CFAP58: variants seen among roughly 807,000 people sequenced by gnomAD.
CFAP58 encodes the protein cilia- and flagella-associated protein 58.
In CFAP58, 88 loss-of-function variants were observed where a neutral mutation model predicts 119.5. The observed-to-expected ratio is 0.74, with a 90% CI of 0.62 to 0.88. The LOEUF is 0.88. Ranked by LOEUF, CFAP58 falls within the 40% of genes least tolerant of loss-of-function variation. The pLI is 0.00. For synonymous variants in CFAP58, 365 were observed against 366.3 expected (o/e 1.00, Z 0.04); for missense variants, 990 against 1,021.2 (o/e 0.97, Z 0.42).
intron 15 of CFAP58, among the ~76,000 whole-genome samples, chr10:104,409,801 TA>T (rs1431190661): frequency 6.6e-6 from 1 of 152,206 alleles, no homozygotes; most frequent in Non-Finnish European, 1.5e-5. Flanking sequence ...CCTATATTTT[TA>T]CTTTTAAACT....
Position 104,454,552 on chromosome 10 carries a change from C to A in CFAP58, c.*22C>A. The stretch of plus-strand genomic sequence containing the variant: ...CTAACCTGAAGCTGCTGGCTGTTTC[C>A]AGTTGAACAACTCATGAAATCTGCT... On this transcript the variant is annotated 3_prime_UTR_variant, in exon 18 of 18. Transcript: ENST00000369704. 2 of 1,558,962 alleles carry A rather than the reference C, an allele frequency of 1.3e-6. No individual in the cohort carries two copies. The highest frequency in any genetic ancestry group is 2.2e-5 in the South Asian group (2 of 90,002).
intron 15 of CFAP58, among the ~76,000 whole-genome samples, chr10:104,439,950 G>A (rs188241507): frequency 0.014 from 2,194 of 152,290 alleles, 32 homozygotes; most frequent in South Asian, 0.053. Flanking sequence ...CTCCTGAGTA[G>A]CTGGGACTAC....
In CFAP58 at chr10:104,430,594, C is replaced by T. The variant is rs1309876166; in HGVS notation, c.2257-17104C>T. Among the ~76,000 whole-genome samples, 5 of 152,072 alleles carry T rather than the reference C, an allele frequency of 3.3e-5. No individual in the cohort carries two copies. The East Asian group carries it at 9.6e-4, about 29-fold the overall frequency. Reference sequence around the variant, plus strand: ...GTTGTTGGCTGTGCAGCGTAATGACCTCATACTTTTTCATCTAGTTTCATG... The same window carrying T: ...GTTGTTGGCTGTGCAGCGTAATGACTTCATACTTTTTCATCTAGTTTCATG... On this transcript the variant is annotated intron_variant, in intron 15 of 17. Coordinates refer to ENST00000369704, the MANE Select transcript of CFAP58 (RefSeq NM_001008723.2).
chr10:104,357,911 ACACATATATG>A (rs2014588905), intron 1 of CFAP58, among the ~76,000 whole-genome samples: 1 of 113,878 alleles, frequency 8.8e-6, no homozygotes, highest in African/African-American at 4.6e-5. Flanking sequence ...ACACATATAC[ACACATATATG>A]TACACATATA....
In CFAP58 at chr10:104,357,865, A is replaced by G. The variant is rs571737958; in HGVS notation, c.10-476A>G. 1.3e-3 allele frequency among the ~76,000 whole-genome samples: 142 copies of G among 106,220 alleles called. 6 individuals carry two copies. The highest frequency in any genetic ancestry group is 6.0e-3 in the East Asian group (21 of 3,482). The allele number at this position is 106,220 out of a possible 152,430, so 69.7% of individuals were successfully genotyped here. A position where few individuals can be genotyped will look rare whatever the true frequency, so the allele number is the denominator to read the frequency against. ...CATATGTACACATATATACACATATATACACATATATGTACACATATATAA... is the reference window on the plus strand; with the variant it reads ...CATATGTACACATATATACACATATGTACACATATATGTACACATATATAA... On this transcript the variant is annotated intron_variant, in intron 1 of 17. Transcript: ENST00000369704.
chr10:104,411,433 T>A (rs941680137), intron 15 of CFAP58, among the ~76,000 whole-genome samples: 53 of 152,332 alleles, frequency 3.5e-4, no homozygotes, highest in African/African-American at 1.2e-3. Flanking sequence ...CTGAGTGTTC[T>A]ATTATTGAAG....
chr10:104,361,494 C>T (rs915672233), intron 2 of CFAP58, among the ~76,000 whole-genome samples: 1 of 152,170 alleles, frequency 6.6e-6, no homozygotes, highest in African/African-American at 2.4e-5. Context: ...AGGTTTAATT[C>T]AGTCTATCAA....
chr10:104,396,415 A>G (rs2012159829), intron 11 of CFAP58, among the ~76,000 whole-genome samples: 1 of 132,604 alleles, frequency 7.5e-6, no homozygotes, highest in East Asian at 2.0e-4. Context: ...AGAGAGAGAG[A>G]GAGAGAGAGA....
chr10:104,418,057 G>A (rs1175283460), intron 15 of CFAP58, among the ~76,000 whole-genome samples: 3 of 152,330 alleles, frequency 2.0e-5, no homozygotes, highest in Middle Eastern at 6.8e-3. Flanking sequence ...AAATTGTGAT[G>A]AAGTTTGAAT....
intron 8 of CFAP58, among the ~76,000 whole-genome samples, chr10:104,377,106 A>G (rs1415533887): frequency 6.6e-6 from 1 of 152,252 alleles, no homozygotes; most frequent in Non-Finnish European, 1.5e-5. Flanking sequence ...GAACACAAAA[A>G]GACTTTGGAG....
intron 6 of CFAP58, among the ~76,000 whole-genome samples, chr10:104,369,835 C>T (rs1260412956): frequency 6.6e-6 from 1 of 152,152 alleles, no homozygotes; most frequent in Non-Finnish European, 1.5e-5. Flanking sequence ...GCAAAAGAAT[C>T]CCAGCTGCTT....
chr10:104,364,787 C>T lies in CFAP58; in HGVS notation c.495C>T (p.Leu165=), dbSNP rs1164963340. 1 of 1,612,866 alleles carries T rather than the reference C, an allele frequency of 6.2e-7. No homozygotes were observed. ...KEEVTKERDQ[L]LSEVVKLRES... is the part of the protein sequence containing the mutation. ...AAGTGACAAAGGAGAGAGACCAGCT[C>T]TTATCAGAAGTGGTAAAATTACGAG... Residue 165 remains leucine, a synonymous_variant, in exon 4 of 18, where the codon CTC becomes CTT. Coordinates refer to ENST00000369704, the MANE Select transcript of CFAP58 (RefSeq NM_001008723.2).
chr10:104,413,188 G>A (rs759509437), intron 15 of CFAP58, among the ~76,000 whole-genome samples: 7 of 152,210 alleles, frequency 4.6e-5, no homozygotes, highest in South Asian at 2.1e-4. Context: ...AGTCATTTAA[G>A]TTCGTCTTCG....
chr10:104,426,023 G>A (rs577867493), intron 15 of CFAP58, among the ~76,000 whole-genome samples: 1 of 152,262 alleles, frequency 6.6e-6, no homozygotes, highest in South Asian at 2.1e-4. Flanking sequence ...CTTGAGCTCA[G>A]GAGTTTGACA....
chr10:104,346,698 C>T, the CFAP58 span, among the ~76,000 whole-genome samples: 1,467 of 134,876 alleles, frequency 0.011, 38 homozygotes, highest in African/African-American at 0.041. Flanking sequence ...TGCAGTGGTG[C>T]GATCTTGGCT....
intron 15 of CFAP58, among the ~76,000 whole-genome samples, chr10:104,444,877 A>G (rs2013089683): frequency 6.6e-6 from 1 of 152,178 alleles, no homozygotes; most frequent in African/African-American, 2.4e-5. Flanking sequence ...GCCCTGGGTT[A>G]TTTAATTCTC....
chr10:104,364,933 G>A, intron 4 of CFAP58, 44 bp downstream of exon 4: 1 of 1,589,600 alleles, frequency 6.3e-7, no homozygotes, highest in Non-Finnish European at 8.6e-7. Flanking sequence ...CCTTCCAGAG[G>A]ATGTTTGTCC....
chr10:104,430,589 A>G (rs1383761717), intron 15 of CFAP58, among the ~76,000 whole-genome samples: 2 of 152,182 alleles, frequency 1.3e-5, no homozygotes, highest in African/African-American at 4.8e-5. Flanking sequence ...GTGCAGCGTA[A>G]TGACCTCATA....
At chr10:104,354,340 C>A (rs2014511979) in intron 1 of CFAP58, among the ~76,000 whole-genome samples, 1 of 152,112 alleles carries the variant, frequency 6.6e-6, no homozygotes, top group South Asian at 2.1e-4. Context: ...ACCTGTCACA[C>A]CCTGATTTCC....
Sources: allele counts gnomAD v4.1 joint callset (sites outside exome capture counted in the v4.1 genomes callset), GRCh38; gene constraint gnomAD v4.1.1; transcripts MANE v1.5; gene names NCBI Gene and HGNC (gene_info 2026-07-23, HGNC 2026-07-21).